The following PLD5 variants were observed in gnomAD, a reference collection of about 807,000 sequenced individuals.
PLD5 encodes the protein phospholipase D family member 5, also known as inactive phospholipase D5.
Under a neutral mutation model 61.1 loss-of-function variants are expected in PLD5, and 36 were observed. The observed-to-expected ratio is 0.59, with a 90% CI of 0.45 to 0.78. The LOEUF (loss-of-function observed/expected upper bound fraction) is 0.78. PLD5 is among the 30% of genes least tolerant of loss of function. The pLI, the probability that PLD5 is intolerant of heterozygous loss-of-function variation, is 0.00. For synonymous variants in PLD5, 243 were observed against 242.8 expected, an observed-to-expected ratio of 1.00 and a Z score of -0.01; for missense variants, 515 against 644.4, an observed-to-expected ratio of 0.80 and a Z score of 2.17.
chr1:242,385,027 C>T (rs1662520050), intron 1 of PLD5, among the ~76,000 whole-genome samples: 1 of 152,166 alleles, frequency 6.6e-6, no homozygotes, highest in African/African-American at 2.4e-5. Context: ...AGGAAGCTAT[C>T]AACAACCACT....
At chr1:242,268,668 T>C (rs890992074) in intron 3 of PLD5, among the ~76,000 whole-genome samples, 6 of 152,198 alleles carry the variant, frequency 3.9e-5, no homozygotes, top group Non-Finnish European at 7.3e-5. Context: ...AGAGTTTCCA[T>C]ACTTAGGCTT....
chr1:242,199,854 T>C (rs1299887687), intron 5 of PLD5, among the ~76,000 whole-genome samples: 2 of 152,208 alleles, frequency 1.3e-5, no homozygotes, highest in Non-Finnish European at 2.9e-5. Flanking sequence ...TTTCATTCTT[T>C]TTTTTCACAG....
chr1:242,229,209 T>C (rs960216633), intron 4 of PLD5, among the ~76,000 whole-genome samples: 3 of 152,160 alleles, frequency 2.0e-5, no homozygotes, highest in Admixed American at 2.0e-4. Flanking sequence ...TAGTACACTG[T>C]GGTTAAAAAA....
At chr1:242,172,183 G>C (rs1171946472) in intron 5 of PLD5, among the ~76,000 whole-genome samples, 2 of 152,222 alleles carry the variant, frequency 1.3e-5, no homozygotes, top group African/African-American at 2.4e-5. Flanking sequence ...CAGTCTCTCA[G>C]ACCACAGTGC....
At chr1:242,091,262 TG>T (rs1659802494) in intron 9 of PLD5, among the ~76,000 whole-genome samples, 1 of 152,174 alleles carries the variant, frequency 6.6e-6, no homozygotes, top group African/African-American at 2.4e-5. Context: ...ATATGAATTT[TG>T]GAGGGACACG....
chr1:242,123,943 G>T (rs542247528), intron 6 of PLD5, among the ~76,000 whole-genome samples: 1 of 152,182 alleles, frequency 6.6e-6, no homozygotes, highest in Non-Finnish European at 1.5e-5. Flanking sequence ...CTGTCCTGTT[G>T]TGTGGGCCTC....
chr1:242,506,776 C>T (rs772906596), intron 1 of PLD5, among the ~76,000 whole-genome samples: 9 of 152,258 alleles, frequency 5.9e-5, no homozygotes, highest in African/African-American at 1.2e-4. Context: ...AAATACTGGA[C>T]GGGAAAAGAT....
chr1:242,121,783 C>T (rs891749711), intron 6 of PLD5, among the ~76,000 whole-genome samples: 2 of 152,062 alleles, frequency 1.3e-5, no homozygotes, highest in African/African-American at 2.4e-5. Flanking sequence ...GAGTTCACAT[C>T]CTTTGTAGGG....
At chr1:242,467,306 A>T (rs1254119098) in intron 1 of PLD5, among the ~76,000 whole-genome samples, 1 of 152,144 alleles carries the variant, frequency 6.6e-6, no homozygotes, top group Non-Finnish European at 1.5e-5. Flanking sequence ...TTTAGTTAAA[A>T]ATGGTAATGT....
intron 1 of PLD5, among the ~76,000 whole-genome samples, chr1:242,509,700 A>T (rs1206146571): frequency 6.6e-6 from 1 of 152,194 alleles, no homozygotes; most frequent in African/African-American, 2.4e-5. Flanking sequence ...AGTGAAGAAA[A>T]GCCACAACGA....
chr1:242,524,968 T>A (rs2103016439), upstream of PLD5, among the ~76,000 whole-genome samples: 1 of 152,046 alleles, frequency 6.6e-6, no homozygotes, highest in South Asian at 2.1e-4. Flanking sequence ...TCGGTCCTGC[T>A]GGCTGAGCGC....
chr1:242,089,520 G>C lies in PLD5; in HGVS notation c.*334C>G. 1 of 494,020 alleles carries C rather than the reference G, an allele frequency of 2.0e-6. No homozygotes were observed. Among genetic ancestry groups the C allele is most frequent in the Non-Finnish European group, 3.5e-6 (1 of 284,300 alleles). 30.6% of individuals were successfully genotyped at this position (494,020 alleles called of 1,614,324 possible). ...TGTTAAAGAGCCCACCTCATGCTAA[G>C]CTTCCTAACAACTGACCGGGTAGGT... On this transcript the variant is annotated 3_prime_UTR_variant, in exon 10 of 10. Coordinates refer to ENST00000536534, the MANE Select transcript of PLD5 (RefSeq NM_001372062.1).
chr1:242,289,378 T>G (rs138793503), intron 2 of PLD5, among the ~76,000 whole-genome samples: 8,644 of 152,266 alleles, frequency 0.057, 293 homozygotes, highest in Middle Eastern at 0.11. Context: ...AGATGGAGTC[T>G]CGCTCTGTTG....
intron 1 of PLD5, among the ~76,000 whole-genome samples, chr1:242,510,043 T>G (rs1039914458): frequency 6.6e-5 from 10 of 152,330 alleles, no homozygotes; most frequent in African/African-American, 2.4e-4. Flanking sequence ...CTTATCCATC[T>G]TTTCTTCGTT....
chr1:242,392,202 G>A (rs1417649551), intron 1 of PLD5, among the ~76,000 whole-genome samples: 1 of 152,146 alleles, frequency 6.6e-6, no homozygotes, highest in Non-Finnish European at 1.5e-5. Flanking sequence ...TGGGAGCTAA[G>A]AACTGGGTAC....
intron 1 of PLD5, among the ~76,000 whole-genome samples, chr1:242,509,741 T>C (rs1283972210): frequency 6.6e-6 from 1 of 152,196 alleles, no homozygotes; most frequent in East Asian, 1.9e-4. Flanking sequence ...TTTTGGCTTA[T>C]AGGATACACT....
In PLD5 at chr1:242,207,816, T is replaced by TATTTA. The variant is rs1558343822; in HGVS notation, c.735+12171_735+12172insTAAAT. Among the ~76,000 whole-genome samples, 15 of 39,100 alleles carry TATTTA rather than the reference T, an allele frequency of 3.8e-4. 1 individual carries two copies. The highest frequency in any genetic ancestry group is 2.0e-3 in the African/African-American group (14 of 7,038). The allele number at this position is 39,100 out of a possible 152,430, so 25.7% of individuals were successfully genotyped here. Reference sequence around the variant, plus strand: ...TATATATATTTATATATATTTATATTTATATATTTATATATATTTATATAT... The same window carrying TATTTA: ...TATATATATTTATATATATTTATATTATTTATATATATTTATATATATTTATATAT... On this transcript the variant is annotated intron_variant, in intron 5 of 9. Transcript: ENST00000536534.
chr1:242,176,422 T>G (rs1228918771), intron 5 of PLD5, among the ~76,000 whole-genome samples: 5 of 152,166 alleles, frequency 3.3e-5, no homozygotes, highest in Non-Finnish European at 5.9e-5. Context: ...TTATAGTTTA[T>G]ACAAAAATTA....
intron 1 of PLD5, among the ~76,000 whole-genome samples, chr1:242,359,110 G>A (rs146498537): frequency 1.3e-5 from 2 of 152,086 alleles, no homozygotes; most frequent in African/African-American, 2.4e-5. Context: ...CTGCTGGCAG[G>A]TACACTGAGC....
Sources: allele counts gnomAD v4.1 joint callset (sites outside exome capture counted in the v4.1 genomes callset), GRCh38; gene constraint gnomAD v4.1.1; transcripts MANE v1.5; gene names NCBI Gene and HGNC (gene_info 2026-07-23, HGNC 2026-07-21).